Variants in PRMT3 observed in about 807,000 individuals in gnomAD.
The protein encoded by PRMT3 is protein arginine methyltransferase 3.
A neutral mutation model predicts 71.9 loss-of-function variants in PRMT3; 62 were observed. The observed-to-expected ratio is 0.86, with a 90% confidence interval of 0.70 to 1.07. The LOEUF (loss-of-function observed/expected upper bound fraction) is 1.07. Among genes scored for constraint, PRMT3 ranks in the 50% least tolerant of loss-of-function variants. The pLI is 0.00. For missense variants in PRMT3, 663 were observed against 643.0 expected, an observed-to-expected ratio of 1.03 and a Z score of -0.34; for synonymous variants, 213 against 220.4, an observed-to-expected ratio of 0.97 and a Z score of 0.30.
intron 10 of PRMT3, among the ~76,000 whole-genome samples, chr11:20,433,956 TA>T (rs1849710296): frequency 1.3e-5 from 2 of 152,068 alleles, no homozygotes; most frequent in African/African-American, 4.8e-5. Flanking sequence ...GGAATTACCA[TA>T]CTGCTTTCCA....
At chr11:20,435,795 G>A (rs1390461338) in intron 10 of PRMT3, among the ~76,000 whole-genome samples, 2 of 152,134 alleles carry the variant, frequency 1.3e-5, no homozygotes, top group Non-Finnish European at 1.5e-5. Flanking sequence ...TTTTGCTCAG[G>A]ATCACTTTGG....
At chr11:20,434,617 G>A (rs538309338) in intron 10 of PRMT3, among the ~76,000 whole-genome samples, 2 of 152,150 alleles carry the variant, frequency 1.3e-5, no homozygotes, top group Non-Finnish European at 2.9e-5. Flanking sequence ...TGAATAGGGA[G>A]TCCTTTCCTC....
chr11:20,425,370 T>C (rs2133350445), intron 9 of PRMT3, among the ~76,000 whole-genome samples: 2 of 152,358 alleles, frequency 1.3e-5, no homozygotes, highest in East Asian at 3.9e-4. Flanking sequence ...ATATGCTTTG[T>C]AAAACAAGTT....
At chr11:20,459,371 G>A (rs1294676844) in intron 11 of PRMT3, among the ~76,000 whole-genome samples, 2 of 152,096 alleles carry the variant, frequency 1.3e-5, no homozygotes, top group African/African-American at 2.4e-5. Flanking sequence ...CCTGAAGTAG[G>A]ACCATATGGT....
At chr11:20,425,798 C>G (rs76160113) in intron 9 of PRMT3, among the ~76,000 whole-genome samples, 1,552 of 152,192 alleles carry the variant, frequency 0.01, 34 homozygotes, top group African/African-American at 0.036. Context: ...AGGAAATGTT[C>G]TATATATTGA....
At chr11:20,415,017 GGTGTGTGTGTGTGTGT>G (rs377570784) in intron 9 of PRMT3, among the ~76,000 whole-genome samples, 1 of 135,316 alleles carries the variant, frequency 7.4e-6, no homozygotes, top group Admixed American at 7.4e-5. Flanking sequence ...TGGTGGTAGT[GGTGTGTGTGTGTGTGT>G]GTGTGTGTGT....
At chr11:20,431,910 TA>T (rs1233874671) in intron 10 of PRMT3, among the ~76,000 whole-genome samples, 2 of 152,116 alleles carry the variant, frequency 1.3e-5, no homozygotes, top group African/African-American at 4.8e-5. Flanking sequence ...CTAGTACTGT[TA>T]AGTATTAACA....
At chr11:20,405,940 G>A (rs12225429) in intron 8 of PRMT3, 17,322 of 152,124 alleles carry the variant, frequency 0.11, 1,405 homozygotes, top group Admixed American at 0.23. Context: ...AACTGGAACT[G>A]TTCTCATTAA....
rs1324566858 is a variant in PRMT3 at position 20,445,081 on chromosome 11, ACATAGGTT to A, written c.994-7048_994-7041del. 7.4e-4 allele frequency among the ~76,000 whole-genome samples: 6 copies of A among 8,096 alleles called. No individual in the cohort carries two copies. The Non-Finnish European group carries it at 0.021, about 29-fold the overall frequency. The allele number at this position is 8,096 out of a possible 152,430, so 5.3% of individuals were successfully genotyped here. On this transcript the variant is annotated intron_variant, in intron 10 of 15. Coordinates refer to ENST00000331079, the MANE Select transcript of PRMT3 (RefSeq NM_005788.4). ...CCACCCTTTTTCTTTAAATATAAAA[ACATAGGTT>A]AAAAGTGGATTTCTTCTATATAGCA...
At chr11:20,504,414 G>GTTCT (rs1446756267) in intron 15 of PRMT3, among the ~76,000 whole-genome samples, 141 of 152,172 alleles carry the variant, frequency 9.3e-4, no homozygotes, top group African/African-American at 3.3e-3. Context: ...AAAATGGCAA[G>GTTCT]ATTTACACAA....
intron 9 of PRMT3, among the ~76,000 whole-genome samples, chr11:20,411,768 A>G (rs549291719): frequency 6.6e-6 from 1 of 152,280 alleles, no homozygotes; most frequent in South Asian, 2.1e-4. Context: ...AGGCTTTTGC[A>G]AAAAATAATC....
chr11:20,445,618 T>G (rs1187885930), intron 10 of PRMT3, among the ~76,000 whole-genome samples: 1 of 152,126 alleles, frequency 6.6e-6, no homozygotes, highest in African/African-American at 2.4e-5. Context: ...AACACCTGTG[T>G]GATCATCAGC....
At chr11:20,443,742 C>A (rs530581466) in intron 10 of PRMT3, among the ~76,000 whole-genome samples, 11 of 152,024 alleles carry the variant, frequency 7.2e-5, no homozygotes, top group Non-Finnish European at 1.5e-4. Flanking sequence ...GCTTATTGGG[C>A]GGTTTTCTGC....
chr11:20,391,591 A>G (rs1162915020), intron 3 of PRMT3, among the ~76,000 whole-genome samples: 2 of 152,102 alleles, frequency 1.3e-5, no homozygotes, highest in Non-Finnish European at 2.9e-5. Flanking sequence ...CATACTTAAG[A>G]TAGAATTTTG....
chr11:20,453,218 C>G (rs532454514), intron 11 of PRMT3, among the ~76,000 whole-genome samples: 3 of 151,124 alleles, frequency 2.0e-5, no homozygotes, highest in African/African-American at 7.3e-5. Context: ...CAGTGGCTCA[C>G]GCTTGTAATC....
intron 9 of PRMT3, among the ~76,000 whole-genome samples, chr11:20,409,654 A>AACACACACACACACACACACACAC (rs60686099): frequency 2.8e-5 from 4 of 144,332 alleles, no homozygotes; most frequent in African/African-American, 1.0e-4. Context: ...GGAATACACA[A>AACACACACACACACACACACACAC]ACACACACAC....
At chr11:20,407,841 G>T in intron 8 of PRMT3, 70 bp from the exon 9 acceptor site, 2 of 1,405,746 alleles carry the variant, frequency 1.4e-6, no homozygotes, top group Non-Finnish European at 1.9e-6. Context: ...CATAATATAT[G>T]AATAGAATTT....
intron 10 of PRMT3, among the ~76,000 whole-genome samples, chr11:20,443,003 A>G (rs1056943989): frequency 3.3e-5 from 5 of 152,144 alleles, no homozygotes; most frequent in Non-Finnish European, 7.3e-5. Context: ...GGAGGGATGG[A>G]GAAAGGGAAG....
At chr11:20,409,517 T>G (rs1184271985) in intron 9 of PRMT3, among the ~76,000 whole-genome samples, 1 of 152,190 alleles carries the variant, frequency 6.6e-6, no homozygotes, top group East Asian at 1.9e-4. Flanking sequence ...GCCCACCACA[T>G]GTTAAATATT....
Sources: allele counts gnomAD v4.1 joint callset (sites outside exome capture counted in the v4.1 genomes callset), GRCh38; gene constraint gnomAD v4.1.1; transcripts MANE v1.5; gene names NCBI Gene and HGNC (gene_info 2026-07-23, HGNC 2026-07-21).